The following FBXL18 variants were observed in gnomAD, a reference collection of about 807,000 sequenced individuals.
FBXL18 encodes F-box and leucine rich repeat protein 18, also known as F-box/LRR-repeat protein 18.
Under a neutral mutation model 46.0 loss-of-function variants are expected in FBXL18, and 36 were observed. The observed-to-expected ratio is 0.78, with a 90% CI of 0.60 to 1.03. The LOEUF is 1.03. FBXL18 is among the 50% of genes least tolerant of loss of function. The probability of loss-of-function intolerance (pLI) is 0.00; values close to 1 mark genes in which losing one functional copy is unlikely to be tolerated. For synonymous variants in FBXL18, 557 were observed against 465.3 expected (o/e 1.20, Z -2.54); for missense variants, 977 against 1,004.1 (o/e 0.97, Z 0.36).
At position 5,501,024 on chromosome 7, in the gene FBXL18, C is replaced by A; in HGVS notation, c.1245G>T (p.Leu415=). The A allele has an allele frequency of 6.2e-7, 1 of 1,601,960 alleles. No homozygotes were observed. The highest frequency in any genetic ancestry group is 1.1e-5 in the South Asian group (1 of 90,084). Residue 415 remains leucine (L), a synonymous_variant, in exon 3 of 5, where the codon CTG becomes CTT. Transcript: ENST00000382368. ...AGCAGACAGGCAGGGAGAGGGAGCGCAGGTGACGCAGCCGGGCCAGGAGCT... is the reference window on the plus strand; with the variant it reads ...AGCAGACAGGCAGGGAGAGGGAGCGAAGGTGACGCAGCCGGGCCAGGAGCT... ...LCQLLARLRH[L]RSLSLPVCSV...
intron 3 of FBXL18, among the ~76,000 whole-genome samples, chr7:5,492,104 G>C (rs970756911): frequency 1.3e-5 from 2 of 151,108 alleles, no homozygotes; most frequent in Admixed American, 1.3e-4. Context: ...CCAGGGCAGG[G>C]GGGAGGCCCA....
At chr7:5,511,576 A>C (rs1784533573) in intron 1 of FBXL18, among the ~76,000 whole-genome samples, 1 of 151,642 alleles carries the variant, frequency 6.6e-6, no homozygotes, top group Non-Finnish European at 1.5e-5. Flanking sequence ...ATGGCACTCC[A>C]GCCTGGGCAA....
At chr7:5,474,102 T>A (rs1204964532), downstream of FBXL18, among the ~76,000 whole-genome samples, 2 of 152,078 alleles carry the variant, frequency 1.3e-5, no homozygotes, top group Non-Finnish European at 2.9e-5. Context: ...TGGCCCAGAT[T>A]CCACTTCTAT....
downstream of FBXL18, among the ~76,000 whole-genome samples, chr7:5,474,762 C>T (rs905318751): frequency 6.6e-6 from 1 of 150,798 alleles, no homozygotes; most frequent in Admixed American, 6.6e-5. Flanking sequence ...GGCTGGAGTG[C>T]AGTGGCGCGA....
intron 4 of FBXL18, among the ~76,000 whole-genome samples, chr7:5,458,331 A>G (rs1229820917): frequency 6.6e-6 from 1 of 152,136 alleles, no homozygotes; most frequent in African/African-American, 2.4e-5. Context: ...TTGGGAGGCC[A>G]AGGCGAGTGG....
chr7:5,482,755 C>T (rs1783681340), intron 4 of FBXL18, among the ~76,000 whole-genome samples: 1 of 152,166 alleles, frequency 6.6e-6, no homozygotes, highest in Non-Finnish European at 1.5e-5. Context: ...AAATGCAATG[C>T]AAGTGCATTT....
intron 4 of FBXL18, among the ~76,000 whole-genome samples, chr7:5,461,001 C>T (rs1291707234): frequency 1.3e-5 from 2 of 152,218 alleles, no homozygotes; most frequent in Non-Finnish European, 2.9e-5. Flanking sequence ...AAAATCTTTT[C>T]CTTCCACGCA....
At position 5,468,137 on chromosome 7, in the gene FBXL18, C is replaced by T. The variant is rs1040879565; in HGVS notation, c.2001-20294G>A. ...AGCTGGGACTACAGGCGCCCGCCAC[C>T]ACACCCAGCTAATTTTTCTGTATTT... On this transcript the variant is annotated intron_variant and NMD_transcript_variant, in intron 4 of 6. Transcript: ENST00000415009. 7.2e-5 allele frequency among the ~76,000 whole-genome samples: 11 copies of T among 152,294 alleles called. No individual in the cohort carries two copies. The East Asian group carries it at 1.7e-3, about 24-fold the overall frequency.
In FBXL18 at chr7:5,477,006, G is replaced by C. The variant is rs539055933; in HGVS notation, c.*4769C>G. On this transcript the variant is annotated 3_prime_UTR_variant, in exon 5 of 5. Coordinates refer to ENST00000382368, the MANE Select transcript of FBXL18 (RefSeq NM_024963.6). The surrounding 1 kb of genome is among the most constrained non-coding windows in gnomAD (Gnocchi z 4.4). The stretch of plus-strand genomic sequence containing the variant: ...AGGTTCATGCCATTCTCCTGCCTCA[G>C]CCTCCTGAGTGGCTGGGACCACAGG... The C allele has an allele frequency of 6.6e-6, 1 of 152,108 alleles. No individual in the cohort carries two copies. Among genetic ancestry groups the C allele is most frequent in the East Asian group, 1.9e-4 (1 of 5,162 alleles). 9.4% of individuals were successfully genotyped at this position (152,108 alleles called of 1,614,324 possible). A position where few individuals can be genotyped will look rare whatever the true frequency, so the allele number is the denominator to read the frequency against.
Position 5,464,524 on chromosome 7 carries a change from G to A in FBXL18, c.2001-16681C>T, listed in dbSNP as rs144280390. 1.9e-3 allele frequency among the ~76,000 whole-genome samples: 285 copies of A among 151,692 alleles called. 2 individuals carry two copies. The highest frequency in any genetic ancestry group is 6.4e-3 in the African/African-American group (263 of 41,382). The stretch of plus-strand genomic sequence containing the variant: ...ATAAGAATACAAAAATCAGCTGGGC[G>A]TTGTGGCAGGTGCCTGTGGTTCCAG... On this transcript the variant is annotated intron_variant and NMD_transcript_variant, in intron 4 of 6. Transcript: ENST00000415009.
intron 4 of FBXL18, among the ~76,000 whole-genome samples, chr7:5,458,047 AGAG>A (rs999189891): frequency 3.3e-5 from 5 of 151,864 alleles, no homozygotes; most frequent in African/African-American, 9.7e-5. Context: ...TTTCTCTTCC[AGAG>A]GAGAATTGTT....
intron 1 of FBXL18, 23 bp downstream of exon 1, chr7:5,513,634 G>C: frequency 6.2e-7 from 1 of 1,612,356 alleles, no homozygotes; most frequent in South Asian, 1.1e-5. Context: ...CAGAAGCAGA[G>C]CGGAGACAGT....
chr7:5,485,764 G>A (rs987268062), intron 4 of FBXL18, among the ~76,000 whole-genome samples: 5 of 151,940 alleles, frequency 3.3e-5, no homozygotes, highest in Non-Finnish European at 5.9e-5. Context: ...AAAATTAGCC[G>A]GGTGTGGCCG....
At chr7:5,493,517 A>T (rs896792121) in intron 3 of FBXL18, among the ~76,000 whole-genome samples, 3 of 151,976 alleles carry the variant, frequency 2.0e-5, no homozygotes, top group Non-Finnish European at 4.4e-5. Context: ...GGATGGTCTC[A>T]ATCTCCTGAC....
At chr7:5,464,670 A>AAAG (rs1783315536) in intron 4 of FBXL18, among the ~76,000 whole-genome samples, 2 of 140,042 alleles carry the variant, frequency 1.4e-5, no homozygotes, top group African/African-American at 5.3e-5. Context: ...TCTCAAAAAA[A>AAAG]AAAAAAAAAA....
chr7:5,503,735 G>A (rs1049230294), intron 2 of FBXL18, among the ~76,000 whole-genome samples: 22 of 152,058 alleles, frequency 1.4e-4, no homozygotes, highest in Non-Finnish European at 2.8e-4. Context: ...TTGGGAGGCT[G>A]AAATGGGCGG....
At chr7:5,495,672 G>A (rs911674867) in intron 3 of FBXL18, 5 of 328,584 alleles carry the variant, frequency 1.5e-5, no homozygotes, top group South Asian at 4.3e-5. Flanking sequence ...CCCAGGATGC[G>A]GCCTCGGAGC....
At chr7:5,484,775 A>T (rs942092661) in intron 4 of FBXL18, among the ~76,000 whole-genome samples, 1 of 151,622 alleles carries the variant, frequency 6.6e-6, no homozygotes, top group African/African-American at 2.4e-5. Flanking sequence ...AGCAGCCAGG[A>T]TTACAGGTGC....
chr7:5,501,908 G>C lies in FBXL18; in HGVS notation c.361C>G (p.Leu121Val). The C allele has an allele frequency of 1.9e-6, 3 of 1,602,650 alleles. No homozygotes were observed. The highest frequency in any genetic ancestry group is 2.6e-6 in the Non-Finnish European group (3 of 1,175,892). ...TVEHVARCRS[L>V]VKVNLSGCHL... ...CAGCCCGAGAGGTTCACCTTCACCA[G>C]GCTGCGGCAGCGGGCCACGTGTTCC... The change falls in exon 3 of 5, where the codon CTG becomes GTG. Residue 121 changes from leucine (L) to valine (V), a missense_variant. Physicochemically the swap from Leu to Val is conservative, Grantham distance 32. Coordinates refer to ENST00000382368, the MANE Select transcript of FBXL18 (RefSeq NM_024963.6).
Sources: allele counts gnomAD v4.1 joint callset (sites outside exome capture counted in the v4.1 genomes callset), GRCh38; gene constraint gnomAD v4.1.1; non-coding constraint Gnocchi (gnomAD v3.1); transcripts MANE v1.5; gene names NCBI Gene and HGNC (gene_info 2026-07-23, HGNC 2026-07-21).